The following AMELX variants were observed in gnomAD, a reference collection of about 807,000 sequenced individuals.
AMELX encodes the protein amelogenin, X isoform.
In AMELX, 9 loss-of-function variants were observed where a neutral mutation model predicts 15.8. The ratio of observed to expected loss-of-function variants is 0.57; its 90% CI spans 0.34 to 0.99. AMELX has a LOEUF of 0.99. Ranked by LOEUF, AMELX falls within the 50% of genes least tolerant of loss-of-function variation. The pLI is 0.02. For missense variants in AMELX, 107 were observed against 156.2 expected, an observed-to-expected ratio of 0.68 and a Z score of 1.68; for synonymous variants, 61 against 58.8, an observed-to-expected ratio of 1.04 and a Z score of -0.17.
chrX:11,301,937 T>C (rs2048179542), downstream of AMELX, among the ~76,000 whole-genome samples: 1 of 112,203 alleles, frequency 8.9e-6, no homozygotes, highest in Non-Finnish European at 1.9e-5. Context: ...CCTTTCCTGT[T>C]GGCAGAGCTG....
intron 1 of AMELX, among the ~76,000 whole-genome samples, chrX:11,293,902 A>T (rs1470728703): frequency 8.9e-6 from 1 of 112,382 alleles, no homozygotes; most frequent in Non-Finnish European, 1.9e-5. Flanking sequence ...CTTTTCATAG[A>T]CAGCATTATC....
the AMELX span, among the ~76,000 whole-genome samples, chrX:11,306,331 C>G: frequency 1.0e-3 from 115 of 112,767 alleles, no homozygotes; most frequent in African/African-American, 3.4e-3. Context: ...TTTGTCTCCC[C>G]CTTAGCTGTC....
chrX:11,298,018 G>T, intron 3 of AMELX: 2 of 951,954 alleles, frequency 2.1e-6, no homozygotes, highest in Non-Finnish European at 3.0e-6. Flanking sequence ...AAGAAAAGAT[G>T]AAGAATGTGT....
At chrX:11,301,300 T>C (rs751098706), downstream of AMELX, among the ~76,000 whole-genome samples, 1 of 112,550 alleles carries the variant, frequency 8.9e-6, no homozygotes, top group South Asian at 3.7e-4. Flanking sequence ...AAATAGAGAA[T>C]TGCAGTGATT....
At chrX:11,301,589 G>A (rs1238041621), downstream of AMELX, among the ~76,000 whole-genome samples, 1 of 111,322 alleles carries the variant, frequency 9.0e-6, no homozygotes, top group Non-Finnish European at 1.9e-5. Flanking sequence ...TTATTGGGAG[G>A]GTGTCAATAT....
rs964512216 is a variant in AMELX at position 11,298,405 on chromosome X, T to C, written c.144+128T>C. On this transcript the variant is annotated intron_variant, in intron 4 of 5. Transcript: ENST00000380714. Reference sequence around the variant, plus strand: ...GGGAAATTTAGTTTGTAAAAAATCATATCTGTGTACACAGTTACAAATTTT... The same window carrying C: ...GGGAAATTTAGTTTGTAAAAAATCACATCTGTGTACACAGTTACAAATTTT... The C allele has an allele frequency of 7.3e-5, 81 of 1,116,835 alleles. No individual in the cohort carries two copies. The Admixed American group carries it at 1.7e-3, about 24-fold the overall frequency. 92.0% of individuals were successfully genotyped at this position (1,116,835 alleles called of 1,213,427 possible). A position where few individuals can be genotyped will look rare whatever the true frequency, so the allele number is the denominator to read the frequency against.
chrX:11,300,596 A>AT lies in AMELX; in HGVS notation c.571-4dup. The AT allele has an allele frequency of 5.0e-6, 6 of 1,191,234 alleles. No individual in the cohort carries two copies. The highest frequency in any genetic ancestry group is 6.8e-6 in the Non-Finnish European group (6 of 878,417). On this transcript the variant is annotated splice_polypyrimidine_tract_variant and intron_variant, in intron 5 of 5. Transcript: ENST00000380714. ...AAATTATTTTAACTGTTCTTTTGCA[A>AT]TTTTTTTCAGGATTAAAAGATCAGA...
At chrX:11,302,681 A>G (rs1680675910), downstream of AMELX, among the ~76,000 whole-genome samples, 1 of 111,434 alleles carries the variant, frequency 9.0e-6, no homozygotes, top group Non-Finnish European at 1.9e-5. Context: ...AAAAAGACAC[A>G]TGTGGAGACA....
At chrX:11,307,498 G>A in the AMELX span, among the ~76,000 whole-genome samples, 1 of 112,055 alleles carries the variant, frequency 8.9e-6, no homozygotes, top group African/African-American at 3.2e-5. Flanking sequence ...GGAAATGTTT[G>A]CAAATTTGCA....
At chrX:11,304,090 G>A (rs1160004216), downstream of AMELX, among the ~76,000 whole-genome samples, 1 of 109,883 alleles carries the variant, frequency 9.1e-6, no homozygotes. Context: ...AGTACATCAC[G>A]TTTGTCTTTT....
At chrX:11,302,466 C>T (rs1452781496), downstream of AMELX, among the ~76,000 whole-genome samples, 1 of 111,988 alleles carries the variant, frequency 8.9e-6, no homozygotes, top group African/African-American at 3.2e-5. Flanking sequence ...CATTCTCTTC[C>T]TCAGGCCAAA....
downstream of AMELX, among the ~76,000 whole-genome samples, chrX:11,301,217 G>A (rs969750438): frequency 8.9e-6 from 1 of 111,777 alleles, no homozygotes; most frequent in Non-Finnish European, 1.9e-5. Context: ...TATGTGATAT[G>A]CATAATAATG....
downstream of AMELX, among the ~76,000 whole-genome samples, chrX:11,302,635 C>A (rs761588923): frequency 4.5e-5 from 5 of 111,158 alleles, no homozygotes; most frequent in South Asian, 2.0e-3. Context: ...ACTCACACAC[C>A]CATAACCACG....
chrX:11,308,763 A>G, the AMELX span, among the ~76,000 whole-genome samples: 1 of 112,107 alleles, frequency 8.9e-6, no homozygotes, highest in Non-Finnish European at 1.9e-5. Context: ...TAACATTAAG[A>G]CCCATGCAAC....
chrX:11,301,483 T>G (rs1319489551), downstream of AMELX, among the ~76,000 whole-genome samples: 2 of 112,106 alleles, frequency 1.8e-5, no homozygotes, highest in Non-Finnish European at 3.8e-5. Flanking sequence ...AAACAGTCTT[T>G]GCAGGGTTTA....
chrX:11,296,702 C>G, intron 2 of AMELX, 77 bp from the exon 3 acceptor site: 1 of 1,042,369 alleles, frequency 9.6e-7, no homozygotes, highest in Non-Finnish European at 1.3e-6. Flanking sequence ...CTGACTTAAT[C>G]TCTTCCTCTC....
At chrX:11,294,030 C>A (rs2048040256) in intron 1 of AMELX, among the ~76,000 whole-genome samples, 1 of 112,363 alleles carries the variant, frequency 8.9e-6, no homozygotes, top group Non-Finnish European at 1.9e-5. Flanking sequence ...CTTAATGTCC[C>A]AAGGGTCTTA....
intron 4 of AMELX, 103 bp downstream of exon 4, chrX:11,298,380 G>A: frequency 1.8e-6 from 2 of 1,118,776 alleles, no homozygotes; most frequent in South Asian, 3.7e-5. Context: ...AGACATTAAT[G>A]GGAAATTTAG....
At chrX:11,298,347 A>C (rs1383632458) in intron 4 of AMELX, 70 bp downstream of exon 4, 10 of 1,128,181 alleles carry the variant, frequency 8.9e-6, no homozygotes, top group Non-Finnish European at 1.2e-5. Context: ...TATTAAGTGA[A>C]ATATCATGTC....
Sources: gnomAD v4.1 joint callset for allele counts (sites outside exome capture counted in the v4.1 genomes callset) on GRCh38, gnomAD v4.1.1 for gene constraint, MANE v1.5 for transcripts, NCBI Gene and HGNC (gene_info 2026-07-23, HGNC 2026-07-21) for gene names.